The following FAM8A1 variants were observed in gnomAD, a reference collection of about 807,000 sequenced individuals.
FAM8A1 encodes the protein family with sequence similarity 8 member A1, also known as protein FAM8A1.
A neutral mutation model predicts 38.3 loss-of-function variants in FAM8A1; 18 were observed. The ratio of observed to expected loss-of-function variants is 0.47; its 90% CI spans 0.33 to 0.70. The LOEUF (loss-of-function observed/expected upper bound fraction) is 0.70. FAM8A1 is among the 30% of genes least tolerant of loss of function. The pLI, the probability that FAM8A1 is intolerant of heterozygous loss-of-function variation, is 0.03. For synonymous variants in FAM8A1, 246 were observed against 234.4 expected (o/e 1.05, Z -0.45); for missense variants, 559 against 559.6 (o/e 1.00, Z 0.01).
intron 2 of FAM8A1, among the ~76,000 whole-genome samples, chr6:17,604,149 G>C (rs552555435): frequency 6.6e-6 from 1 of 151,940 alleles, no homozygotes; most frequent in Non-Finnish European, 1.5e-5. Context: ...AGGCTCAGGC[G>C]ATCCTCCCAC....
rs975550898 is a variant in FAM8A1, at chr6:17,611,206, A to G, written c.*2867A>G. Reference sequence around the variant, plus strand: ...GCTACTTCGCCCAAATTACAAAATGAGTGTTTTTAGATTCAAGTGACAGTA... The same window carrying G: ...GCTACTTCGCCCAAATTACAAAATGGGTGTTTTTAGATTCAAGTGACAGTA... On this transcript the variant is annotated 3_prime_UTR_variant, in exon 5 of 5. Transcript: ENST00000259963. The G allele has an allele frequency of 9.9e-5, 15 of 152,228 alleles. No individual in the cohort carries two copies. Among genetic ancestry groups the G allele is most frequent in the African/African-American group, 3.1e-4 (13 of 41,446 alleles). The allele number at this position is 152,228 out of a possible 1,614,324, so 9.4% of individuals were successfully genotyped here. A position where few individuals can be genotyped will look rare whatever the true frequency, so the allele number is the denominator to read the frequency against.
chr6:17,606,784 G>A (rs1764058482), intron 4 of FAM8A1, among the ~76,000 whole-genome samples: 1 of 152,124 alleles, frequency 6.6e-6, no homozygotes, highest in African/African-American at 2.4e-5. Flanking sequence ...ATCTAGCGCT[G>A]GGGGAAGGTA....
Position 17,600,362 on chromosome 6 carries a change from G to A in FAM8A1, c.-48G>A. ...TGTTGGGGAGGGGCCATTGGGGGAG[G>A]GAAACGGAGCAGTGACAGGTATCCC... On this transcript the variant is annotated 5_prime_UTR_variant, in exon 1 of 5. Transcript: ENST00000259963. 2.2e-6 allele frequency: 3 copies of A among 1,338,322 alleles called. No homozygotes were observed. The highest frequency in any genetic ancestry group is 2.9e-6 in the Non-Finnish European group (3 of 1,042,676). 82.9% of individuals were successfully genotyped at this position (1,338,322 alleles called of 1,614,324 possible).
intron 2 of FAM8A1, among the ~76,000 whole-genome samples, chr6:17,602,916 A>G (rs560647345): frequency 2.0e-5 from 3 of 152,244 alleles, no homozygotes; most frequent in Non-Finnish European, 2.9e-5. Flanking sequence ...ACTGAATTCT[A>G]TAAGATGTGT....
chr6:17,601,311 C>A (rs925046974), intron 1 of FAM8A1, among the ~76,000 whole-genome samples, 190 bp downstream of exon 1: 7 of 152,238 alleles, frequency 4.6e-5, no homozygotes, highest in Non-Finnish European at 4.4e-5. Flanking sequence ...AATACAGTTT[C>A]TTCTTCCTTT....
rs1369776880 is a variant in FAM8A1 at position 17,603,242 on chromosome 6, C to T, written c.833+532C>T. Among the ~76,000 whole-genome samples the T allele has an allele frequency of 3.9e-5, 6 of 152,220 alleles. No individual in the cohort carries two copies. In the East Asian group the frequency reaches 1.2e-3, roughly 29 times the overall value. The stretch of plus-strand genomic sequence containing the variant: ...GCAGTTACCACTTCCTGAGTACTTT[C>T]TATATGCCATGTATTGAGCTTGCTC... On this transcript the variant is annotated intron_variant, in intron 2 of 4. Transcript: ENST00000259963.
chr6:17,608,099 G>T (rs894632820), intron 4 of FAM8A1, 96 bp from the exon 5 acceptor site: 3 of 1,280,558 alleles, frequency 2.3e-6, no homozygotes, highest in Non-Finnish European at 3.3e-6. Context: ...AAGTACAATT[G>T]TGTTTTAAAT....
rs574663175 is a variant in FAM8A1, at chr6:17,606,026, C to G, written c.1097+13C>G. The G allele has an allele frequency of 6.7e-7, 1 of 1,493,648 alleles. No homozygotes were observed. Among genetic ancestry groups the G allele is most frequent in the South Asian group, 1.3e-5 (1 of 77,060 alleles). 92.5% of individuals were successfully genotyped at this position (1,493,648 alleles called of 1,614,324 possible). On this transcript the variant is annotated intron_variant, in intron 4 of 4. Coordinates refer to ENST00000259963, the MANE Select transcript of FAM8A1 (RefSeq NM_016255.3). ...TTAGCATTACAACGTAAGTCCTTTT[C>G]TTAGCTTAATCTACTACATACTTAA...
rs1473444140 is a variant in FAM8A1, at chr6:17,611,715, A to G, written c.*3376A>G. The G allele has an allele frequency of 2.6e-5, 4 of 152,198 alleles. No homozygotes were observed. The highest frequency in any genetic ancestry group is 4.4e-5 in the Non-Finnish European group (3 of 68,028). The allele number at this position is 152,198 out of a possible 1,614,324, so 9.4% of individuals were successfully genotyped here. On this transcript the variant is annotated 3_prime_UTR_variant, in exon 5 of 5. Coordinates refer to ENST00000259963, the MANE Select transcript of FAM8A1 (RefSeq NM_016255.3). ...TGTCTCAATAAATACTTAGTCATCA[A>G]TGCATCTGTATTTTGTCTATTTCTT... is the stretch of plus-strand genomic sequence containing the variant.
intron 2 of FAM8A1, 100 bp from the exon 3 acceptor site, chr6:17,604,806 A>G: frequency 1.1e-6 from 1 of 914,210 alleles, no homozygotes; most frequent in Admixed American, 2.7e-5. Flanking sequence ...ATTAGTTTAG[A>G]ATTTCAATTA....
rs1441838185 is a variant in FAM8A1 at position 17,611,578 on chromosome 6, T to C, written c.*3239T>C. ...CATTTCAAACAGTATACATACTTCT[T>C]TGCAGTTCATTATAGTAAGGCTTAA... On this transcript the variant is annotated 3_prime_UTR_variant, in exon 5 of 5. Coordinates refer to ENST00000259963, the MANE Select transcript of FAM8A1 (RefSeq NM_016255.3). 4.6e-5 allele frequency: 7 copies of C among 152,624 alleles called. No homozygotes were observed. The highest frequency in any genetic ancestry group is 1.0e-4 in the Non-Finnish European group (7 of 68,036). 9.5% of individuals were successfully genotyped at this position (152,624 alleles called of 1,614,324 possible). A position where few individuals can be genotyped will look rare whatever the true frequency, so the allele number is the denominator to read the frequency against.
At position 17,608,230 on chromosome 6, in the gene FAM8A1, T is replaced by G. The variant is rs765568222; in HGVS notation, c.1133T>G (p.Ile378Ser). Residue 378 changes from isoleucine to serine, a missense_variant, in exon 5 of 5, where the codon ATT (isoleucine) becomes AGT (serine). Ile to Ser is a moderately radical substitution (Grantham distance 142). This residue lies in a region of FAM8A1 where 166 missense variants were observed against 220.8 expected (regional missense o/e 0.75). Coordinates refer to ENST00000259963, the MANE Select transcript of FAM8A1 (RefSeq NM_016255.3). The stretch of plus-strand genomic sequence containing the variant: ...CGAGCTTTGATCAAGAATTTTTCAA[T>G]TGCTTCTTTTTTCCCTGCTTTCATC... Reference protein sequence around the residue: ...TIRALIKNFSIASFFPAFITL... With the variant: ...TIRALIKNFSSASFFPAFITL... The G allele has an allele frequency of 1.2e-6, 2 of 1,613,916 alleles. No individual in the cohort carries two copies.
chr6:17,605,863 T>C lies in FAM8A1; in HGVS notation c.958-11T>C. The stretch of plus-strand genomic sequence containing the variant: ...GAGCCAGTAATTTTTAAATCATCCT[T>C]CTTTCCTTAGATAATTTGCATTTGG... On this transcript the variant is annotated splice_polypyrimidine_tract_variant and intron_variant, in intron 3 of 4. Transcript: ENST00000259963. 1.3e-6 allele frequency: 2 copies of C among 1,484,754 alleles called. No individual in the cohort carries two copies. The highest frequency in any genetic ancestry group is 1.8e-6 in the Non-Finnish European group (2 of 1,106,328). The allele number at this position is 1,484,754 out of a possible 1,614,324, so 92.0% of individuals were successfully genotyped here. A position where few individuals can be genotyped will look rare whatever the true frequency, so the allele number is the denominator to read the frequency against.
chr6:17,608,175 TTTTTG>T lies in FAM8A1; in HGVS notation c.1098-15_1098-11del. On this transcript the variant is annotated splice_polypyrimidine_tract_variant and intron_variant, in intron 4 of 4. Transcript: ENST00000259963. Reference sequence around the variant, plus strand: ...GGTTTGATGTGTAACTTACCTGATATTTTTGTTTTAACTTTTTAGGTCCACTATCC... The same window carrying T: ...GGTTTGATGTGTAACTTACCTGATATTTTTAACTTTTTAGGTCCACTATCC... 2 of 1,612,658 alleles carry T rather than the reference TTTTTG, an allele frequency of 1.2e-6. No homozygotes were observed. The highest frequency in any genetic ancestry group is 1.7e-6 in the Non-Finnish European group (2 of 1,179,498).
intron 4 of FAM8A1, 124 bp from the exon 5 acceptor site, chr6:17,608,071 C>T: frequency 9.7e-7 from 1 of 1,033,836 alleles, no homozygotes; most frequent in Non-Finnish European, 1.4e-6. Flanking sequence ...GTCTTTTTCC[C>T]TGTAGACTTC....
Position 17,609,105 on chromosome 6 carries a change from T to C in FAM8A1, c.*766T>C, listed in dbSNP as rs2113748535. On this transcript the variant is annotated 3_prime_UTR_variant, in exon 5 of 5. Coordinates refer to ENST00000259963, the MANE Select transcript of FAM8A1 (RefSeq NM_016255.3). ...ATGGTGGGGGAGTAAGTTTTCACTG[T>C]AAATTGAACTTATAATTTATGTGCA... 6.6e-6 allele frequency: 1 copy of C among 152,306 alleles called. No homozygotes were observed. The highest frequency in any genetic ancestry group is 1.5e-5 in the Non-Finnish European group (1 of 68,012). The allele number at this position is 152,306 out of a possible 1,614,324, so 9.4% of individuals were successfully genotyped here.
chr6:17,603,887 A>AT (rs1167936088), intron 2 of FAM8A1, among the ~76,000 whole-genome samples: 1 of 151,024 alleles, frequency 6.6e-6, no homozygotes, highest in Non-Finnish European at 1.5e-5. Flanking sequence ...CACCTGGCCC[A>AT]TTTTTTATCA....
At position 17,608,295 on chromosome 6, in the gene FAM8A1, A is replaced by G; in HGVS notation, c.1198A>G (p.Ile400Val). The change falls in exon 5 of 5, where the codon ATT (isoleucine) becomes GTT (valine). Residue 400 changes from isoleucine (I) to valine (V), a missense_variant. This residue lies in a region of FAM8A1 where 166 missense variants were observed against 220.8 expected (regional missense o/e 0.75). Coordinates refer to ENST00000259963, the MANE Select transcript of FAM8A1 (RefSeq NM_016255.3). The stretch of plus-strand genomic sequence containing the variant: ...TCAGCATAATCGAACAGCTTATGAC[A>G]TTGTAGCAGGAACCATTGTGGTAAA... ...FFQHNRTAYD[I>V]VAGTIVVKRN... is the part of the protein sequence containing the mutation. 2 of 1,612,052 alleles carry G rather than the reference A, an allele frequency of 1.2e-6. No individual in the cohort carries two copies. The highest frequency in any genetic ancestry group is 2.2e-5 in the South Asian group (2 of 90,744).
rs150157174 is a variant in FAM8A1 at position 17,608,309 on chromosome 6, C to T, written c.1212C>T (p.Thr404=). Residue 404 remains threonine, a synonymous_variant, in exon 5 of 5, where the codon ACC becomes ACT. Transcript: ENST00000259963. ...CAGCTTATGACATTGTAGCAGGAAC[C>T]ATTGTGGTAAAAAGAAATGGGGTCA... is the stretch of plus-strand genomic sequence containing the variant. The part of the protein sequence containing the change: ...NRTAYDIVAG[T]IVVKRNGVR The T allele has an allele frequency of 3.3e-4, 524 of 1,612,062 alleles. 4 individuals are homozygous for T. In the East Asian group the frequency reaches 0.01, roughly 31 times the overall value.
Sources: allele counts gnomAD v4.1 joint callset (sites outside exome capture counted in the v4.1 genomes callset), GRCh38; gene constraint gnomAD v4.1.1; regional missense constraint gnomAD v4.1.1; transcripts MANE v1.5; gene names NCBI Gene and HGNC (gene_info 2026-07-23, HGNC 2026-07-21).